TCP1: variants seen among roughly 807,000 people sequenced by gnomAD.
The protein encoded by TCP1 is T-complex protein 1 subunit alpha.
TCP1 carries 6 observed loss-of-function variants against 54.7 expected under a neutral mutation model. The observed-to-expected ratio is 0.11, with a 90% CI of 0.06 to 0.22. The LOEUF (loss-of-function observed/expected upper bound fraction) is 0.22, where lower values mean the gene tolerates loss of function less well. Among genes scored for constraint, TCP1 ranks in the 10% least tolerant of loss-of-function variants. The pLI, the probability that TCP1 is intolerant of heterozygous loss-of-function variation, is 1.00. For synonymous variants in TCP1, 225 were observed against 229.7 expected (o/e 0.98, Z 0.19); for missense variants, 511 against 678.2 (o/e 0.75, Z 2.74).
intron 6 of TCP1, 36 bp from the exon 7 acceptor site, chr6:159,784,103 T>A (rs778888817): frequency 6.3e-7 from 1 of 1,598,432 alleles, no homozygotes; most frequent in Non-Finnish European, 8.5e-7. Context: ...AATACGTCTA[T>A]CCTTAAAAGC....
At position 159,778,629 on chromosome 6, in the gene TCP1, A is replaced by C; in HGVS notation, c.*416T>G. 1 of 1,607,680 alleles carries C rather than the reference A, an allele frequency of 6.2e-7. No homozygotes were observed. The highest frequency in any genetic ancestry group is 8.5e-7 in the Non-Finnish European group (1 of 1,174,702). ...TTTTAAACTGTGTCCACAGAAGAATAAACAATCTAAATCTTTTCTCCCCCG... is the reference window on the plus strand; with the variant it reads ...TTTTAAACTGTGTCCACAGAAGAATCAACAATCTAAATCTTTTCTCCCCCG... On this transcript the variant is annotated 3_prime_UTR_variant, in exon 12 of 12. Coordinates refer to ENST00000321394, the MANE Select transcript of TCP1 (RefSeq NM_030752.3).
chr6:159,784,126 A>AC, intron 6 of TCP1, 59 bp from the exon 7 acceptor site: 1 of 1,551,594 alleles, frequency 6.4e-7, no homozygotes, highest in African/African-American at 1.4e-5. Context: ...AATAAAGAGT[A>AC]CCTATAATCG....
At chr6:159,787,690 C>G in intron 3 of TCP1, 53 bp downstream of exon 3, 1 of 1,585,112 alleles carries the variant, frequency 6.3e-7, no homozygotes, top group Admixed American at 1.7e-5. Flanking sequence ...CTTCAACTTT[C>G]TGAAAGTCGG....
chr6:159,784,902 G>A, intron 5 of TCP1, 55 bp from the exon 6 acceptor site: 4 of 1,565,070 alleles, frequency 2.6e-6, no homozygotes, highest in South Asian at 2.2e-5. Context: ...GGGTACACAC[G>A]TGAAAAATCA....
Position 159,780,485 on chromosome 6 carries a change from A to T in TCP1, c.1055T>A (p.Val352Glu). The T allele has an allele frequency of 6.2e-7, 1 of 1,614,108 alleles. No individual in the cohort carries two copies. Among genetic ancestry groups the T allele is most frequent in the South Asian group, 1.1e-5 (1 of 91,074 alleles). Reference protein sequence around the residue: ...AAMLGQAEEVVQERICDDELI... With the variant: ...AAMLGQAEEVEQERICDDELI... ...CTCATCATCACAAATTCTCTCCTGT[A>T]CCACTTCTTCTGCCTGTCCCAACAT... Residue 352 changes from valine to glutamate, a missense_variant, in exon 9 of 12, where the codon GTA becomes GAA. Physicochemically the swap from Val to Glu is moderately radical, Grantham distance 121. This residue lies in a region of TCP1 where 305 missense variants were observed against 352.8 expected (regional missense o/e 0.86). Coordinates refer to ENST00000321394, the MANE Select transcript of TCP1 (RefSeq NM_030752.3).
chr6:159,783,901 C>T (rs754393793), intron 7 of TCP1, 40 bp downstream of exon 7: 4 of 1,545,598 alleles, frequency 2.6e-6, no homozygotes, highest in Non-Finnish European at 3.5e-6. Flanking sequence ...TCCTCCAAGA[C>T]ACTCACACTT....
Position 159,789,542 on chromosome 6 carries a change from GC to G in TCP1, c.-75del. On this transcript the variant is annotated 5_prime_UTR_variant, in exon 1 of 12. Coordinates refer to ENST00000321394, the MANE Select transcript of TCP1 (RefSeq NM_030752.3). ...AGTATCGCGGCCCCTCGGCCGACCG[GC>G]GACCACAGCAGTGGCTGCGACGGCG... 6.4e-7 allele frequency: 1 copy of G among 1,569,138 alleles called. No individual in the cohort carries two copies. The highest frequency in any genetic ancestry group is 8.7e-7 in the Non-Finnish European group (1 of 1,147,504).
intron 6 of TCP1, 119 bp from the exon 7 acceptor site, chr6:159,784,186 GA>G (rs1209650171): frequency 4.7e-6 from 6 of 1,290,046 alleles, no homozygotes; most frequent in Non-Finnish European, 6.1e-6. Flanking sequence ...TTTTATCTTA[GA>G]AAAATTTTAT....
chr6:159,780,586 G>A lies in TCP1; in HGVS notation c.974-20C>T. On this transcript the variant is annotated intron_variant, in intron 8 of 11. Transcript: ENST00000321394. ...TAGTTGCTAATAAGAGAGTTACAAA[G>A]GATCTGTGAATATTGCTCTTTCATG... 1 of 1,604,862 alleles carries A rather than the reference G, an allele frequency of 6.2e-7. No individual in the cohort carries two copies. The highest frequency in any genetic ancestry group is 8.5e-7 in the Non-Finnish European group (1 of 1,177,326).
chr6:159,789,282 T>G, intron 1 of TCP1, 123 bp downstream of exon 1: 1 of 1,135,148 alleles, frequency 8.8e-7, no homozygotes. Context: ...TGGGTCCGGC[T>G]GCGGGGCCCC....
In TCP1 at chr6:159,780,437, T is replaced by C; in HGVS notation, c.1097+6A>G. The C allele has an allele frequency of 6.2e-7, 1 of 1,613,686 alleles. No individual in the cohort carries two copies. The highest frequency in any genetic ancestry group is 8.5e-7 in the Non-Finnish European group (1 of 1,179,776). On this transcript the variant is annotated splice_donor_region_variant and intron_variant, in intron 9 of 11. Coordinates refer to ENST00000321394, the MANE Select transcript of TCP1 (RefSeq NM_030752.3). ...TAACTTTACAATTTTAGAAAGTGGC[T>C]CTTACTTTTTGATTAAGATCAGCTC...
Position 159,779,793 on chromosome 6 carries a change from A to G in TCP1, c.1291-3T>C, listed in dbSNP as rs754382696. On this transcript the variant is annotated splice_region_variant and splice_polypyrimidine_tract_variant and intron_variant, in intron 10 of 11. Transcript: ENST00000321394. ...ATCGCAAGCTGTTCCCGAGACCCCT[A>G]GGAAAAGAAGAAAATTAGGTGACTT... 6.3e-6 allele frequency: 10 copies of G among 1,589,452 alleles called. No homozygotes were observed. In the South Asian group the frequency reaches 1.2e-4, roughly 18 times the overall value.
At position 159,778,522 on chromosome 6, in the gene TCP1, T is replaced by TCAC. The variant is rs1780485310; in HGVS notation, c.*522_*523insGTG. Reference sequence around the variant, plus strand: ...ATGAATTTTCACAAAGGTGTAAATTTATTCCTAAGCAGTTAAAATGAAAAT... The same window carrying TCAC: ...ATGAATTTTCACAAAGGTGTAAATTTCACATTCCTAAGCAGTTAAAATGAAAAT... On this transcript the variant is annotated 3_prime_UTR_variant, in exon 12 of 12. Transcript: ENST00000321394. The TCAC allele has an allele frequency of 3.0e-6, 3 of 995,322 alleles. No individual in the cohort carries two copies. In the East Asian group the frequency reaches 7.8e-5, roughly 26 times the overall value. The allele number at this position is 995,322 out of a possible 1,614,324, so 61.7% of individuals were successfully genotyped here. A position where few individuals can be genotyped will look rare whatever the true frequency, so the allele number is the denominator to read the frequency against.
chr6:159,779,269 TAAGA>T lies in TCP1; in HGVS notation c.1455-12_1455-9del, dbSNP rs777993767. The T allele has an allele frequency of 6.2e-7, 1 of 1,608,718 alleles. No individual in the cohort carries two copies. Among genetic ancestry groups the T allele is most frequent in the Admixed American group, 1.7e-5 (1 of 59,620 alleles). On this transcript the variant is annotated splice_polypyrimidine_tract_variant and intron_variant, in intron 11 of 11. Transcript: ENST00000321394. ...CTCAAATCAAGACCAATCCTGCAAT[TAAGA>T]AAGAATTATTTAACGGCCGCTTACA...
intron 7 of TCP1, among the ~76,000 whole-genome samples, chr6:159,782,555 T>C (rs1274448654): frequency 1.3e-5 from 2 of 152,028 alleles, no homozygotes; most frequent in Admixed American, 1.3e-4. Flanking sequence ...GGAGAAAAAG[T>C]GTTGGTAAAA....
In TCP1 at chr6:159,789,497, T is replaced by A; in HGVS notation, c.-29A>T. 1 of 1,613,562 alleles carries A rather than the reference T, an allele frequency of 6.2e-7. No homozygotes were observed. Among genetic ancestry groups the A allele is most frequent in the Admixed American group, 1.7e-5 (1 of 60,026 alleles). Reference sequence around the variant, plus strand: ...GACGGCAGCGATACACGTCGAATTCTGCTTACACCGCGGGCAACCAGTATC... The same window carrying A: ...GACGGCAGCGATACACGTCGAATTCAGCTTACACCGCGGGCAACCAGTATC... On this transcript the variant is annotated 5_prime_UTR_variant, in exon 1 of 12. Coordinates refer to ENST00000321394, the MANE Select transcript of TCP1 (RefSeq NM_030752.3).
intron 7 of TCP1, 54 bp downstream of exon 7, chr6:159,783,887 A>G (rs1053083365): frequency 2.0e-6 from 3 of 1,519,332 alleles, no homozygotes; most frequent in African/African-American, 1.4e-5. Context: ...TAAAAATGTT[A>G]AAGTCCTCCA....
At chr6:159,786,645 G>A (rs921518066) in intron 3 of TCP1, among the ~76,000 whole-genome samples, 3 of 152,186 alleles carry the variant, frequency 2.0e-5, no homozygotes, top group African/African-American at 7.2e-5. Flanking sequence ...AACTACATTT[G>A]TTAAATCACA....
Position 159,781,024 on chromosome 6 carries a change from A to G in TCP1, c.884T>C (p.Met295Thr), listed in dbSNP as rs1292977711. Residue 295 changes from methionine (M) to threonine (T), a missense_variant, in exon 8 of 12, where the codon ATG becomes ACG. Around this residue, in one of 5 missense-constraint regions of TCP1, gnomAD observed 305 missense variants for 352.8 expected, o/e 0.86. Coordinates refer to ENST00000321394, the MANE Select transcript of TCP1 (RefSeq NM_030752.3). ...VILTTGGIDD[M>T]CLKYFVEAGA... Reference sequence around the variant, plus strand: ...AGCCTCCACAAAATACTTCAGACACATATCATCAATTCCACCAGTGGTTAG... The same window carrying G: ...AGCCTCCACAAAATACTTCAGACACGTATCATCAATTCCACCAGTGGTTAG... The G allele has an allele frequency of 5.0e-6, 8 of 1,613,682 alleles. No homozygotes were observed. In the East Asian group the frequency reaches 8.9e-5, roughly 18 times the overall value.
Sources: allele counts gnomAD v4.1 joint callset (sites outside exome capture counted in the v4.1 genomes callset), GRCh38; gene constraint gnomAD v4.1.1; regional missense constraint gnomAD v4.1.1; transcripts MANE v1.5; gene names NCBI Gene and HGNC (gene_info 2026-07-23, HGNC 2026-07-21).